Variants in NAALADL2 observed in about 807,000 individuals in gnomAD.
The protein encoded by NAALADL2 is inactive N-acetylated-alpha-linked acidic dipeptidase-like protein 2.
NAALADL2 carries 76 observed loss-of-function variants against 87.2 expected under a neutral mutation model. The ratio of observed to expected loss-of-function variants is 0.87; its 90% CI spans 0.72 to 1.05. NAALADL2 has a LOEUF of 1.05. Among genes scored for constraint, NAALADL2 ranks in the 50% least tolerant of loss-of-function variants. NAALADL2 has a pLI of 0.00. For synonymous variants in NAALADL2, 354 were observed against 331.0 expected (o/e 1.07, Z -0.75); for missense variants, 1,089 against 945.8 (o/e 1.15, Z -1.99).
chr3:174,896,679 A>G (rs1157627657), intron 1 of NAALADL2, among the ~76,000 whole-genome samples: 5 of 152,168 alleles, frequency 3.3e-5, no homozygotes, highest in Admixed American at 3.3e-4. Context: ...TAAAATTTAT[A>G]TGGTTTATAT....
At chr3:175,523,175 C>G (rs1024575039) in intron 9 of NAALADL2, among the ~76,000 whole-genome samples, 1 of 152,206 alleles carries the variant, frequency 6.6e-6, no homozygotes, top group Non-Finnish European at 1.5e-5. Flanking sequence ...GTGATGTTGC[C>G]GCCTGGAAAC....
At chr3:175,207,734 A>C (rs556503943) in intron 2 of NAALADL2, among the ~76,000 whole-genome samples, 3 of 152,276 alleles carry the variant, frequency 2.0e-5, no homozygotes, top group East Asian at 3.9e-4. Flanking sequence ...AAAGCTTATT[A>C]AATCTTCCTT....
intron 9 of NAALADL2, among the ~76,000 whole-genome samples, chr3:175,500,352 T>G (rs1274528601): frequency 6.6e-6 from 1 of 151,964 alleles, no homozygotes; most frequent in Non-Finnish European, 1.5e-5. Context: ...AGTTTTTATG[T>G]GTAGTGTGGA....
intron 3 of NAALADL2, among the ~76,000 whole-genome samples, chr3:174,814,865 C>G (rs979287366): frequency 6.6e-6 from 1 of 152,140 alleles, no homozygotes; most frequent in African/African-American, 2.4e-5. Context: ...AGCTATGTTA[C>G]TCACACAGAA....
At chr3:175,270,927 G>A (rs1226699156) in intron 4 of NAALADL2, 1 of 152,078 alleles carries the variant, frequency 6.6e-6, no homozygotes, top group Non-Finnish European at 1.5e-5. Context: ...GCACTAAATA[G>A]GCCTATAAGA....
intron 3 of NAALADL2, among the ~76,000 whole-genome samples, chr3:174,742,721 T>C (rs1340786970): frequency 6.6e-6 from 1 of 151,716 alleles, no homozygotes; most frequent in African/African-American, 2.4e-5. Flanking sequence ...TATAACAATA[T>C]TTTAATGATG....
intron 10 of NAALADL2, among the ~76,000 whole-genome samples, chr3:175,583,224 G>A (rs1720039411): frequency 1.3e-5 from 2 of 152,122 alleles, no homozygotes; most frequent in African/African-American, 4.8e-5. Flanking sequence ...GTATCGTGTT[G>A]CATATCACTA....
At chr3:175,096,145 T>C (rs1241695059) in intron 1 of NAALADL2, among the ~76,000 whole-genome samples, 2 of 152,116 alleles carry the variant, frequency 1.3e-5, no homozygotes, top group Non-Finnish European at 2.9e-5. Flanking sequence ...TGGGACATCT[T>C]GGTCCTCTCT....
rs559693449 is a variant in NAALADL2, at chr3:174,679,718, T to A, written c.-114-57923T>A. On this transcript the variant is annotated intron_variant, in intron 2 of 3. Transcript: ENST00000434257. The stretch of plus-strand genomic sequence containing the variant: ...TTCAGTGGAAGCAAAGTAACAAAAC[T>A]TTTTCTAAATAGCTGCTGTATTAAG... Among the ~76,000 whole-genome samples, 270 of 152,294 alleles carry A rather than the reference T, an allele frequency of 1.8e-3. 1 individual carries two copies. Among genetic ancestry groups the A allele is most frequent in the African/African-American group, 6.3e-3 (261 of 41,576 alleles).
chr3:175,765,387 T>G (rs968148724), intron 13 of NAALADL2, among the ~76,000 whole-genome samples: 2 of 152,100 alleles, frequency 1.3e-5, no homozygotes, highest in Admixed American at 1.3e-4. Context: ...CAGATTAATA[T>G]GCCAAAATTC....
At chr3:175,231,013 T>G (rs536546898) in intron 2 of NAALADL2, among the ~76,000 whole-genome samples, 1 of 152,088 alleles carries the variant, frequency 6.6e-6, no homozygotes, top group African/African-American at 2.4e-5. Flanking sequence ...TTCAAAATAT[T>G]TATCTTAGGA....
intron 2 of NAALADL2, among the ~76,000 whole-genome samples, chr3:174,616,273 T>C (rs1426379074): frequency 1.3e-5 from 2 of 151,990 alleles, no homozygotes; most frequent in East Asian, 3.8e-4. Flanking sequence ...CCAAATACTT[T>C]AGATTACACT....
At chr3:174,901,159 T>C (rs1732256612) in intron 1 of NAALADL2, among the ~76,000 whole-genome samples, 1 of 152,228 alleles carries the variant, frequency 6.6e-6, no homozygotes, top group South Asian at 2.1e-4. Flanking sequence ...ATGTGATTCA[T>C]TAACATATGT....
intron 3 of NAALADL2, among the ~76,000 whole-genome samples, chr3:174,847,708 C>T (rs1036389544): frequency 1.8e-4 from 27 of 151,778 alleles, no homozygotes; most frequent in Admixed American, 4.6e-4. Context: ...ATGAAACAGA[C>T]TGAAACAGTT....
In NAALADL2 at chr3:175,460,847, C is replaced by T. The variant is rs114883884; in HGVS notation, c.1235-2554C>T. ...CAGGGTGTTGCAGACCCAAAGAGTG[C>T]GCAGCAGCAATATTTATTGTAAAGA... On this transcript the variant is annotated intron_variant, in intron 6 of 13. Transcript: ENST00000454872. Among the ~76,000 whole-genome samples, 110 of 152,214 alleles carry T rather than the reference C, an allele frequency of 7.2e-4. 1 individual carries two copies. The highest frequency in any genetic ancestry group is 6.8e-3 in the Middle Eastern group (2 of 294).
chr3:175,324,107 C>CA, intron 4 of NAALADL2, 68 bp from the exon 5 acceptor site: 1 of 1,284,224 alleles, frequency 7.8e-7, no homozygotes, highest in Non-Finnish European at 1.1e-6. Context: ...GCCACATTGG[C>CA]AAAATGGCAC....
At position 175,639,384 on chromosome 3, in the gene NAALADL2, A is replaced by G. The variant is rs866269434; in HGVS notation, c.1896+11998A>G. Among the ~76,000 whole-genome samples, 47 of 138,864 alleles carry G rather than the reference A, an allele frequency of 3.4e-4. No homozygotes were observed. In the Middle Eastern group the frequency reaches 0.013, roughly 38 times the overall value. The allele number at this position is 138,864 out of a possible 152,430, so 91.1% of individuals were successfully genotyped here. On this transcript the variant is annotated intron_variant, in intron 11 of 13. Transcript: ENST00000454872. Reference sequence around the variant, plus strand: ...TGCCCAGGCTGGAGTGCAGTGGTGCAATCTCGGCTCACTGCAAGCTCCACC... The same window carrying G: ...TGCCCAGGCTGGAGTGCAGTGGTGCGATCTCGGCTCACTGCAAGCTCCACC...
intron 11 of NAALADL2, among the ~76,000 whole-genome samples, chr3:175,644,210 G>C (rs1189608178): frequency 1.3e-5 from 2 of 151,958 alleles, no homozygotes; most frequent in Non-Finnish European, 2.9e-5. Flanking sequence ...AATTTCATGT[G>C]TTGAAAATAT....
intron 1 of NAALADL2, among the ~76,000 whole-genome samples, chr3:175,066,498 T>A (rs897666912): frequency 6.6e-6 from 1 of 152,074 alleles, no homozygotes; most frequent in African/African-American, 2.4e-5. Flanking sequence ...CAGTACCTGC[T>A]TTTTCAGCAG....
Sources: allele counts gnomAD v4.1 joint callset (sites outside exome capture counted in the v4.1 genomes callset), GRCh38; gene constraint gnomAD v4.1.1; transcripts MANE v1.5; gene names NCBI Gene and HGNC (gene_info 2026-07-23, HGNC 2026-07-21).